The following CLIC6 variants were observed in gnomAD, a reference collection of about 807,000 sequenced individuals.
CLIC6 encodes chloride intracellular channel protein 6.
A neutral mutation model predicts 49.2 loss-of-function variants in CLIC6; 39 were observed. The observed-to-expected ratio is 0.79, with a 90% confidence interval of 0.61 to 1.04. CLIC6 has a LOEUF of 1.04. Ranked by LOEUF, CLIC6 falls within the 50% of genes least tolerant of loss-of-function variation. The pLI, the probability that CLIC6 is intolerant of heterozygous loss-of-function variation, is 0.00. For missense variants in CLIC6, 988 were observed against 993.1 expected, an observed-to-expected ratio of 0.99 and a Z score of 0.07; for synonymous variants, 446 against 433.4, an observed-to-expected ratio of 1.03 and a Z score of -0.36.
rs931045273 is a variant in CLIC6 at position 34,670,841 on chromosome 21, C to T, written c.1374+79C>T. 4.2e-6 allele frequency: 6 copies of T among 1,438,028 alleles called. No individual in the cohort carries two copies. The African/African-American group carries it at 8.6e-5, about 21-fold the overall frequency. 89.1% of individuals were successfully genotyped at this position (1,438,028 alleles called of 1,614,324 possible). ...GGTCATCTCAGATCCCAGAGGGACG[C>T]GCAGGGAGGAACCCTTGGTGGTATC... is the stretch of plus-strand genomic sequence containing the variant. On this transcript the variant is annotated intron_variant, in intron 1 of 5. Transcript: ENST00000349499.
intron 1 of CLIC6, among the ~76,000 whole-genome samples, chr21:34,699,104 A>T (rs1990141384): frequency 6.6e-6 from 1 of 152,200 alleles, no homozygotes. Context: ...TCTGAAGTTC[A>T]GTTTCCTTGT....
At chr21:34,697,815 G>A (rs1323751235) in intron 1 of CLIC6, among the ~76,000 whole-genome samples, 1 of 152,224 alleles carries the variant, frequency 6.6e-6, no homozygotes, top group Non-Finnish European at 1.5e-5. Flanking sequence ...GTTGAGGCCA[G>A]GAGAACTGCG....
chr21:34,687,473 A>G (rs1010083922), intron 1 of CLIC6, among the ~76,000 whole-genome samples: 34 of 152,246 alleles, frequency 2.2e-4, no homozygotes, highest in African/African-American at 7.7e-4. Context: ...TGGATTAAAA[A>G]TAGCCCCGGA....
chr21:34,693,094 A>G (rs547619730), intron 1 of CLIC6, among the ~76,000 whole-genome samples: 2 of 152,282 alleles, frequency 1.3e-5, no homozygotes, highest in Admixed American at 6.5e-5. Context: ...TCAAATCAAG[A>G]TGCATTTTTA....
intron 1 of CLIC6, among the ~76,000 whole-genome samples, chr21:34,681,435 G>T (rs764395521): frequency 1.3e-5 from 2 of 152,258 alleles, no homozygotes; most frequent in African/African-American, 2.4e-5. Context: ...TCATGTGGTT[G>T]CAGTGAGGAT....
At chr21:34,675,364 C>T (rs1024077110) in intron 1 of CLIC6, among the ~76,000 whole-genome samples, 9 of 151,716 alleles carry the variant, frequency 5.9e-5, no homozygotes, top group Non-Finnish European at 1.3e-4. Context: ...AGCTGTGGCT[C>T]TCTGTGGACA....
At chr21:34,680,269 G>A (rs895272982) in intron 1 of CLIC6, among the ~76,000 whole-genome samples, 1 of 152,234 alleles carries the variant, frequency 6.6e-6, no homozygotes, top group South Asian at 2.1e-4. Flanking sequence ...GGCCTGAGTT[G>A]TACCTCGGCC....
intron 1 of CLIC6, among the ~76,000 whole-genome samples, chr21:34,697,047 T>G (rs1326959027): frequency 6.6e-6 from 1 of 152,060 alleles, no homozygotes; most frequent in Non-Finnish European, 1.5e-5. Flanking sequence ...TTCTTGCTTT[T>G]CTCTTTAATC....
Position 34,716,321 on chromosome 21 carries a change from A to G in CLIC6, c.1900A>G (p.Ile634Val). 6.2e-7 allele frequency: 1 copy of G among 1,609,958 alleles called. No homozygotes were observed. The highest frequency in any genetic ancestry group is 8.5e-7 in the Non-Finnish European group (1 of 1,178,854). Residue 634 changes from isoleucine to valine, a missense_variant and splice_region_variant, in exon 6 of 6, where the codon ATT (isoleucine) becomes GTT (valine). Ile to Val is a conservative substitution (Grantham distance 29, BLOSUM62 3). Around this residue, in one of 3 missense-constraint regions of CLIC6, gnomAD observed 647 missense variants for 596.9 expected, o/e 1.08. Transcript: ENST00000349499. Reference sequence around the variant, plus strand: ...CTGATCATTTTCTCTTCATTTTCAGATTGTGGCCAAGAAGTACAGAGATTT... The same window carrying G: ...CTGATCATTTTCTCTTCATTTTCAGGTTGTGGCCAAGAAGTACAGAGATTT... Reference protein sequence around the residue: ...NLLPKLHIIKIVAKKYRDFEF... With the variant: ...NLLPKLHIIKVVAKKYRDFEF...
At chr21:34,701,127 C>A (rs577309056) in intron 1 of CLIC6, among the ~76,000 whole-genome samples, 9 of 143,050 alleles carry the variant, frequency 6.3e-5, no homozygotes, top group Non-Finnish European at 1.2e-4. Flanking sequence ...AAGGTGAAAC[C>A]CCGTCTCTAC....
intron 5 of CLIC6, among the ~76,000 whole-genome samples, chr21:34,711,005 T>C (rs1568972076): frequency 6.6e-6 from 1 of 152,124 alleles, no homozygotes; most frequent in African/African-American, 2.4e-5. Context: ...GCTCTATCAC[T>C]TATAGAAGTT....
At chr21:34,674,998 G>A (rs964663536) in intron 1 of CLIC6, among the ~76,000 whole-genome samples, 4 of 152,040 alleles carry the variant, frequency 2.6e-5, no homozygotes, top group Admixed American at 6.5e-5. Flanking sequence ...TCTGAGCTAC[G>A]GCTTTCCTGG....
chr21:34,692,404 C>A (rs1990012257), intron 1 of CLIC6, among the ~76,000 whole-genome samples: 1 of 152,144 alleles, frequency 6.6e-6, no homozygotes, highest in Non-Finnish European at 1.5e-5. Flanking sequence ...CTGGTGGGGG[C>A]ATTTGTAGAT....
chr21:34,688,456 G>A (rs1989926083), intron 1 of CLIC6, among the ~76,000 whole-genome samples: 1 of 152,240 alleles, frequency 6.6e-6, no homozygotes, highest in African/African-American at 2.4e-5. Context: ...CTTACAGAGA[G>A]GCTAAGAAGC....
At position 34,678,643 on chromosome 21, in the gene CLIC6, T is replaced by G. The variant is rs569449935; in HGVS notation, c.1374+7881T>G. 9.9e-5 allele frequency among the ~76,000 whole-genome samples: 15 copies of G among 152,210 alleles called. No homozygotes were observed. In the East Asian group the frequency reaches 2.3e-3, roughly 24 times the overall value. ...ATCTATATATTGTTAGAAATGGTTGTTTTTTGCCTACAAAAACCATAAAAA... is the reference window on the plus strand; with the variant it reads ...ATCTATATATTGTTAGAAATGGTTGGTTTTTGCCTACAAAAACCATAAAAA... On this transcript the variant is annotated intron_variant, in intron 1 of 5. Transcript: ENST00000349499.
intron 1 of CLIC6, among the ~76,000 whole-genome samples, chr21:34,675,589 AC>A: frequency 6.6e-6 from 1 of 152,296 alleles, no homozygotes; most frequent in South Asian, 2.1e-4. Flanking sequence ...TGAAATCAGT[AC>A]CGGGTTACTT....
intron 1 of CLIC6, 101 bp from the exon 2 acceptor site, chr21:34,707,179 C>T (rs564333536): frequency 2.1e-5 from 19 of 911,940 alleles, no homozygotes; most frequent in African/African-American, 1.3e-4. Flanking sequence ...GCATCCTGAC[C>T]GTTCTTATCA....
chr21:34,712,318 A>C (rs1211681596), intron 5 of CLIC6, among the ~76,000 whole-genome samples: 1 of 152,232 alleles, frequency 6.6e-6, no homozygotes, highest in Admixed American at 6.5e-5. Context: ...AAACAATATC[A>C]AAATAGGGTA....
At chr21:34,710,707 G>T (rs199985320) in intron 5 of CLIC6, among the ~76,000 whole-genome samples, 1 of 152,114 alleles carries the variant, frequency 6.6e-6, no homozygotes, top group African/African-American at 2.4e-5. Flanking sequence ...CAGCTACCTG[G>T]GGGGCTGAGG....
Sources: allele counts gnomAD v4.1 joint callset (sites outside exome capture counted in the v4.1 genomes callset), GRCh38; gene constraint gnomAD v4.1.1; regional missense constraint gnomAD v4.1.1; transcripts MANE v1.5; gene names NCBI Gene and HGNC (gene_info 2026-07-23, HGNC 2026-07-21).